EIF1B: variants seen among roughly 807,000 people sequenced by gnomAD.
The protein encoded by EIF1B is eukaryotic translation initiation factor 1B.
EIF1B carries 5 observed loss-of-function variants against 14.8 expected under a neutral mutation model. The ratio of observed to expected loss-of-function variants is 0.34; its 90% CI spans 0.18 to 0.71. EIF1B has a LOEUF of 0.71. Among genes scored for constraint, EIF1B ranks in the 30% least tolerant of loss-of-function variants. EIF1B has a pLI of 0.64. For synonymous variants in EIF1B, 45 were observed against 45.8 expected (o/e 0.98, Z 0.07); for missense variants, 56 against 134.0 (o/e 0.42, Z 2.87).
rs3836541 is a variant in EIF1B at position 40,312,345 on chromosome 3, TA to T, written c.*340del. ...AACCATGTACGTTGCAGCTTAACAA[TA>T]AAAAAAAATCTATGAATCTTTGTGA... is the stretch of plus-strand genomic sequence containing the variant. On this transcript the variant is annotated 3_prime_UTR_variant, in exon 4 of 4. Coordinates refer to ENST00000232905, the MANE Select transcript of EIF1B (RefSeq NM_005875.3). 49 of 188,608 alleles carry T rather than the reference TA, an allele frequency of 2.6e-4. No individual in the cohort carries two copies. Among genetic ancestry groups the T allele is most frequent in the South Asian group, 4.3e-4 (3 of 7,034 alleles). 11.7% of individuals were successfully genotyped at this position (188,608 alleles called of 1,614,324 possible).
rs969094695 is a variant in EIF1B, at chr3:40,309,717, A to G, written c.-225A>G. 6 of 556,414 alleles carry G rather than the reference A, an allele frequency of 1.1e-5. No individual in the cohort carries two copies. The highest frequency in any genetic ancestry group is 5.7e-5 in the African/African-American group (3 of 52,440). The allele number at this position is 556,414 out of a possible 1,614,324, so 34.5% of individuals were successfully genotyped here. A position where few individuals can be genotyped will look rare whatever the true frequency, so the allele number is the denominator to read the frequency against. ...TCGGCCATTTTGTGCGAGAAGCCGC[A>G]GCGCCGCCTCTTCTCTCGCGCCCTC... On this transcript the variant is annotated 5_prime_UTR_variant, in exon 1 of 4. Transcript: ENST00000232905.
rs1954316523 is a variant in EIF1B at position 40,310,820 on chromosome 3, G to A, written c.32-73G>A. Reference sequence around the variant, plus strand: ...TGACTGTCTGGATTGGTAGTATAATGTATTTCTGGAAAGTACTTCTTAAAA... The same window carrying A: ...TGACTGTCTGGATTGGTAGTATAATATATTTCTGGAAAGTACTTCTTAAAA... On this transcript the variant is annotated intron_variant, in intron 1 of 3. Coordinates refer to ENST00000232905, the MANE Select transcript of EIF1B (RefSeq NM_005875.3). The A allele has an allele frequency of 4.2e-6, 6 of 1,433,176 alleles. No homozygotes were observed. In the South Asian group the frequency reaches 8.8e-5, roughly 21 times the overall value. 88.8% of individuals were successfully genotyped at this position (1,433,176 alleles called of 1,614,324 possible).
chr3:40,310,597 G>T, intron 1 of EIF1B: 1 of 249,516 alleles, frequency 4.0e-6, no homozygotes, highest in Non-Finnish European at 7.5e-6. Flanking sequence ...ACAATATTAA[G>T]GTTTTCTAAA....
chr3:40,310,266 A>G (rs993204882), intron 1 of EIF1B, among the ~76,000 whole-genome samples: 8 of 152,064 alleles, frequency 5.3e-5, no homozygotes, highest in Non-Finnish European at 1.0e-4. Context: ...TGGCGATCCT[A>G]TTTCGTGGAC....
chr3:40,310,873 T>G lies in EIF1B; in HGVS notation c.32-20T>G, dbSNP rs770476330. 1 of 1,553,476 alleles carries G rather than the reference T, an allele frequency of 6.4e-7. No homozygotes were observed. On this transcript the variant is annotated intron_variant, in intron 1 of 3. Transcript: ENST00000232905. ...TATTTTTCTACTTTGGATTTTTTTT[T>G]TTTTTTTATCCATTCGCAGACCCCT...
At chr3:40,310,189 G>C (rs1428393938) in intron 1 of EIF1B, among the ~76,000 whole-genome samples, 1 of 152,252 alleles carries the variant, frequency 6.6e-6, no homozygotes, top group Non-Finnish European at 1.5e-5. Flanking sequence ...CCCGGCCGCG[G>C]GCCCTGCGCC....
chr3:40,310,603 C>G, intron 1 of EIF1B: 1 of 256,690 alleles, frequency 3.9e-6, no homozygotes, highest in Non-Finnish European at 7.3e-6. Flanking sequence ...TTAAGGTTTT[C>G]TAAATCTTTT....
chr3:40,311,737 ATT>A, intron 3 of EIF1B, 166 bp downstream of exon 3: 1 of 673,576 alleles, frequency 1.5e-6, no homozygotes, highest in Non-Finnish European at 2.6e-6. Context: ...TATCTGGTTT[ATT>A]TTGTCATTAG....
At position 40,312,285 on chromosome 3, in the gene EIF1B, GT is replaced by G; in HGVS notation, c.*274del. ...GAGTGTTTATTGTTCAGTTTATTAC[GT>G]TTCACTTGATTAAATTTTTTTGTTG... On this transcript the variant is annotated 3_prime_UTR_variant, in exon 4 of 4. Coordinates refer to ENST00000232905, the MANE Select transcript of EIF1B (RefSeq NM_005875.3). 3.7e-6 allele frequency: 1 copy of G among 269,288 alleles called. No homozygotes were observed. The highest frequency in any genetic ancestry group is 6.5e-5 in the East Asian group (1 of 15,498). 16.7% of individuals were successfully genotyped at this position (269,288 alleles called of 1,614,324 possible). A position where few individuals can be genotyped will look rare whatever the true frequency, so the allele number is the denominator to read the frequency against.
chr3:40,309,926 C>T lies in EIF1B; in HGVS notation c.-16C>T. 6.2e-7 allele frequency: 1 copy of T among 1,613,986 alleles called. No individual in the cohort carries two copies. Among genetic ancestry groups the T allele is most frequent in the South Asian group, 1.1e-5 (1 of 91,082 alleles). On this transcript the variant is annotated 5_prime_UTR_variant, in exon 1 of 4. Coordinates refer to ENST00000232905, the MANE Select transcript of EIF1B (RefSeq NM_005875.3). The stretch of plus-strand genomic sequence containing the variant: ...GCAGGAATTTTATCCCCTCACCGGC[C>T]TCACACTAGTATCGCATGTCCACTA...
intron 2 of EIF1B, 193 bp from the exon 3 acceptor site, chr3:40,311,277 T>G (rs1338504494): frequency 1.7e-6 from 1 of 597,232 alleles, no homozygotes; most frequent in Non-Finnish European, 2.8e-6. Flanking sequence ...GTGAAATATT[T>G]AGTTCTTGAT....
chr3:40,309,764 TTCGCCTCTTCCTGCCTCCTCCC>T lies in EIF1B; in HGVS notation c.-177_-156del. On this transcript the variant is annotated 5_prime_UTR_variant, in exon 1 of 4. Coordinates refer to ENST00000232905, the MANE Select transcript of EIF1B (RefSeq NM_005875.3). ...CCTCGCCTCTTCCTCCGCCTCCTCC[TTCGCCTCTTCCTGCCTCCTCCC>T]GGCTTCCGCCGCCGCCACTCCAGCC... The T allele has an allele frequency of 4.4e-6, 3 of 674,854 alleles. No individual in the cohort carries two copies. Among genetic ancestry groups the T allele is most frequent in the Non-Finnish European group, 7.6e-6 (3 of 395,578 alleles). 41.8% of individuals were successfully genotyped at this position (674,854 alleles called of 1,614,324 possible). A position where few individuals can be genotyped will look rare whatever the true frequency, so the allele number is the denominator to read the frequency against.
intron 2 of EIF1B, 92 bp downstream of exon 2, chr3:40,311,148 TAACTA>T (rs1954321195): frequency 1.6e-6 from 2 of 1,279,108 alleles, no homozygotes; most frequent in South Asian, 1.6e-5. Flanking sequence ...TGGATGAAAA[TAACTA>T]GACCAAGAAA....
At position 40,311,567 on chromosome 3, in the gene EIF1B, T is replaced by C; in HGVS notation, c.293T>C (p.Leu98Ser). The change falls in exon 3 of 4, where the codon TTG (leucine) becomes TCG (serine). Residue 98 changes from leucine to serine, a missense_variant. Leu to Ser is a moderately radical substitution (Grantham distance 145). This residue lies in a region of EIF1B where 35 missense variants were observed against 82.9 expected (regional missense o/e 0.42). Coordinates refer to ENST00000232905, the MANE Select transcript of EIF1B (RefSeq NM_005875.3). ...DQRKNICQFL[L>S]EVGIVKEEQL... ...AGAAAAAACATCTGCCAGTTTCTCT[T>C]GGAGGTGAGTGATTGGGTGCTTTAT... is the stretch of plus-strand genomic sequence containing the variant. 1 of 1,611,902 alleles carries C rather than the reference T, an allele frequency of 6.2e-7. No individual in the cohort carries two copies. Among genetic ancestry groups the C allele is most frequent in the South Asian group, 1.1e-5 (1 of 90,912 alleles).
At chr3:40,311,632 C>G (rs1954327280) in intron 3 of EIF1B, 61 bp downstream of exon 3, 1 of 1,329,346 alleles carries the variant, frequency 7.5e-7, no homozygotes. Flanking sequence ...TATTTAAAGG[C>G]AACATGATTT....
chr3:40,312,066 C>T lies in EIF1B; in HGVS notation c.*52C>T, dbSNP rs776977941. On this transcript the variant is annotated 3_prime_UTR_variant, in exon 4 of 4. Coordinates refer to ENST00000232905, the MANE Select transcript of EIF1B (RefSeq NM_005875.3). ...CTTGAATAGTTTTGTTCTCTAAACC[C>T]GGTTTGGCTGCCTTGTGAAATGATT... 9.7e-6 allele frequency: 13 copies of T among 1,340,502 alleles called. No homozygotes were observed. Among genetic ancestry groups the T allele is most frequent in the South Asian group, 8.5e-5 (7 of 82,200 alleles). 83.0% of individuals were successfully genotyped at this position (1,340,502 alleles called of 1,614,324 possible). A position where few individuals can be genotyped will look rare whatever the true frequency, so the allele number is the denominator to read the frequency against.
chr3:40,311,366 T>A, intron 2 of EIF1B, 104 bp from the exon 3 acceptor site: 1 of 793,882 alleles, frequency 1.3e-6, no homozygotes, highest in Non-Finnish European at 2.0e-6. Context: ...TCTGTTTCTC[T>A]AAATATGATC....
At chr3:40,311,844 A>C (rs1327901691) in intron 3 of EIF1B, 126 bp from the exon 4 acceptor site, 1 of 789,652 alleles carries the variant, frequency 1.3e-6, no homozygotes, top group Non-Finnish European at 2.2e-6. Context: ...TCAGCAGTGC[A>C]TGCCACAGAC....
chr3:40,309,948 A>G lies in EIF1B; in HGVS notation c.7A>G (p.Thr3Ala). The G allele has an allele frequency of 6.2e-7, 1 of 1,613,916 alleles. No individual in the cohort carries two copies. Among genetic ancestry groups the G allele is most frequent in the East Asian group, 2.2e-5 (1 of 44,850 alleles). The change falls in exon 1 of 4, where the codon ACT becomes GCT. Residue 3 changes from threonine to alanine, a missense_variant. Coordinates refer to ENST00000232905, the MANE Select transcript of EIF1B (RefSeq NM_005875.3). MS[T>A]IQNLQSFDPF... ...GGCCTCACACTAGTATCGCATGTCC[A>G]CTATCCAGAACCTCCAATCTTTCGG...
Sources: allele counts gnomAD v4.1 joint callset (sites outside exome capture counted in the v4.1 genomes callset), GRCh38; gene constraint gnomAD v4.1.1; regional missense constraint gnomAD v4.1.1; transcripts MANE v1.5; gene names NCBI Gene and HGNC (gene_info 2026-07-23, HGNC 2026-07-21).